The following NOTCH4 variants were observed in gnomAD, a reference collection of about 807,000 sequenced individuals.
NOTCH4 encodes neurogenic locus notch homolog protein 4.
NOTCH4 carries 138 observed loss-of-function variants against 189.0 expected under a neutral mutation model. The observed-to-expected ratio is 0.73, with a 90% CI of 0.64 to 0.84. NOTCH4 has a LOEUF of 0.84. Among genes scored for constraint, NOTCH4 ranks in the 40% least tolerant of loss-of-function variants. The pLI is 0.00. For synonymous variants in NOTCH4, 942 were observed against 1,032.8 expected, an observed-to-expected ratio of 0.91 and a Z score of 1.69; for missense variants, 2,286 against 2,605.4, an observed-to-expected ratio of 0.88 and a Z score of 2.67.
In NOTCH4 at chr6:32,210,791, C is replaced by A; in HGVS notation, c.2826G>T (p.Gly942=). 6.2e-7 allele frequency: 1 copy of A among 1,612,986 alleles called. No homozygotes were observed. Among genetic ancestry groups the A allele is most frequent in the East Asian group, 2.2e-5 (1 of 44,878 alleles). ...CACTGGGCTGGGCCATGCAGGTGGC[C>A]CCGTTCTGGCAAGGCCTGGACTCAC... is the stretch of plus-strand genomic sequence containing the variant. ...NPCESRPCQN[G]ATCMAQPSGY... is the part of the protein sequence containing the mutation. The change falls in exon 18 of 30, where the codon GGG becomes GGT. Residue 942 remains glycine, a synonymous_variant. Coordinates refer to ENST00000375023, the MANE Select transcript of NOTCH4 (RefSeq NM_004557.4). This position sits in a 1 kb window ranked among gnomAD's most constrained non-coding sequence, Gnocchi z 4.8.
chr6:32,198,553 C>T lies in NOTCH4; in HGVS notation c.4624G>A (p.Glu1542Lys). 6.2e-7 allele frequency: 1 copy of T among 1,612,848 alleles called. No individual in the cohort carries two copies. Among genetic ancestry groups the T allele is most frequent in the Non-Finnish European group, 8.5e-7 (1 of 1,179,958 alleles). Reference sequence around the variant, plus strand: ...TGGCACGTGGAGGGTGGGCCTGTTTCTTCAGCCTTTGGGTAACAGCAAGGA... The same window carrying T: ...TGGCACGTGGAGGGTGGGCCTGTTTTTTCAGCCTTTGGGTAACAGCAAGGA... Reference protein sequence around the residue: ...EEGEEVGQAEETGPPSTCQLW... With the variant: ...EEGEEVGQAEKTGPPSTCQLW... Residue 1542 changes from glutamate (E) to lysine (K), a missense_variant, in exon 26 of 30, where the codon GAA (glutamate) becomes AAA (lysine). Around this residue, in one of 2 missense-constraint regions of NOTCH4, gnomAD observed 1,903 missense variants for 2,261.9 expected, o/e 0.84. Transcript: ENST00000375023. This position sits in a 1 kb window ranked among gnomAD's most constrained non-coding sequence, Gnocchi z 5.5.
intron 8 of NOTCH4, 64 bp from the exon 9 acceptor site, chr6:32,218,172 A>G (rs1789535271): frequency 9.3e-7 from 1 of 1,079,936 alleles, no homozygotes; most frequent in Admixed American, 1.9e-5. Context: ...CCTGTGTTCT[A>G]GAATCGGCCC....
rs755789166 is a variant in NOTCH4 at position 32,197,406 on chromosome 6, C to T, written c.4945G>A (p.Ala1649Thr). 2.6e-6 allele frequency: 4 copies of T among 1,542,068 alleles called. No homozygotes were observed. The highest frequency in any genetic ancestry group is 3.5e-6 in the Non-Finnish European group (4 of 1,144,048). The change falls in exon 27 of 30, where the codon GCT becomes ACT. Residue 1649 changes from alanine to threonine, a missense_variant. Coordinates refer to ENST00000375023, the MANE Select transcript of NOTCH4 (RefSeq NM_004557.4). ...HLAARFSRPT[A>T]ARRLLEAGAN... ...CCAGCCTCAAGGAGGCGGCGGGCAG[C>T]GGTTGGCCGGGAGAATCGGGCAGCC...
chr6:32,195,189 C>A lies in NOTCH4; in HGVS notation c.*248G>T. 1.9e-6 allele frequency: 1 copy of A among 532,226 alleles called. No individual in the cohort carries two copies. The highest frequency in any genetic ancestry group is 2.8e-5 in the South Asian group (1 of 35,520). 33.0% of individuals were successfully genotyped at this position (532,226 alleles called of 1,614,324 possible). Reference sequence around the variant, plus strand: ...GGGTATTTCCACTCCACTCTGCCCTCCTGTGGCCTGTCTTATTTTCTGGAG... The same window carrying A: ...GGGTATTTCCACTCCACTCTGCCCTACTGTGGCCTGTCTTATTTTCTGGAG... On this transcript the variant is annotated 3_prime_UTR_variant, in exon 30 of 30. Transcript: ENST00000375023. The surrounding 1 kb of genome is among the most constrained non-coding windows in gnomAD (Gnocchi z 5.4).
rs1311339180 is a variant in NOTCH4, at chr6:32,196,060, C to T, written c.5389G>A (p.Asp1797Asn). 1.3e-6 allele frequency: 2 copies of T among 1,594,096 alleles called. No individual in the cohort carries two copies. The highest frequency in any genetic ancestry group is 1.7e-5 in the Admixed American group (1 of 58,998). The change falls in exon 30 of 30, where the codon GAC becomes AAC. Residue 1797 changes from aspartate to asparagine, a missense_variant. By Grantham distance (23) the Asp-to-Asn change is conservative (BLOSUM62 1). Around this residue, in one of 2 missense-constraint regions of NOTCH4, gnomAD observed 383 missense variants for 343.5 expected, o/e 1.11. Transcript: ENST00000375023. The part of the protein sequence containing the change: ...LGLGAARELR[D>N]QAGLAPADVA... ...TCCGCCGGCGCTAGCCCAGCCTGGT[C>T]CCGCAGCTCTCGGGCTGCCCCCAGC...
chr6:32,223,385 C>T (rs558481534), intron 1 of NOTCH4, among the ~76,000 whole-genome samples: 3 of 152,142 alleles, frequency 2.0e-5, no homozygotes, highest in East Asian at 1.9e-4. Context: ...AGGTGGCTCC[C>T]GGGAGGTGAA....
rs1361534490 is a variant in NOTCH4, at chr6:32,210,001, T to G, written c.2865+751A>C. Among the ~76,000 whole-genome samples, 1 of 151,466 alleles carries G rather than the reference T, an allele frequency of 6.6e-6. No homozygotes were observed. Among genetic ancestry groups the G allele is most frequent in the African/African-American group, 2.4e-5 (1 of 41,196 alleles). Reference sequence around the variant, plus strand: ...AATGGCAACCACACACACAAAAAAGTTGTGGTTCTGAGCATATGAATCAGG... The same window carrying G: ...AATGGCAACCACACACACAAAAAAGGTGTGGTTCTGAGCATATGAATCAGG... On this transcript the variant is annotated intron_variant, in intron 18 of 29. Transcript: ENST00000375023. The surrounding 1 kb of genome is among the most constrained non-coding windows in gnomAD (Gnocchi z 4.8).
Position 32,211,361 on chromosome 6 carries a change from C to T in NOTCH4, c.2681-425G>A, listed in dbSNP as rs186952627. The stretch of plus-strand genomic sequence containing the variant: ...ATTCCAGCACTTTGGGAGGCTGAGA[C>T]GGGTGGATCACTGAGGTTAGGAGTT... On this transcript the variant is annotated intron_variant, in intron 17 of 29. Coordinates refer to ENST00000375023, the MANE Select transcript of NOTCH4 (RefSeq NM_004557.4). Among the ~76,000 whole-genome samples, 7 of 150,938 alleles carry T rather than the reference C, an allele frequency of 4.6e-5. No homozygotes were observed. In the South Asian group the frequency reaches 6.3e-4, roughly 14 times the overall value.
rs1189190167 is a variant in NOTCH4, at chr6:32,199,149, G to T, written c.4316-4C>A. The T allele has an allele frequency of 1.3e-6, 2 of 1,575,264 alleles. No homozygotes were observed. The highest frequency in any genetic ancestry group is 2.7e-5 in the African/African-American group (2 of 73,768). On this transcript the variant is annotated splice_polypyrimidine_tract_variant and splice_region_variant and intron_variant, in intron 23 of 29. Transcript: ENST00000375023. This position sits in a 1 kb window ranked among gnomAD's most constrained non-coding sequence, Gnocchi z 4.9. ...GGAAGCTGGTTGGCAGGGGGTGCTGGTGGGAGAGACAGAGTCACAAAGAGA... is the reference window on the plus strand; with the variant it reads ...GGAAGCTGGTTGGCAGGGGGTGCTGTTGGGAGAGACAGAGTCACAAAGAGA...
chr6:32,205,630 TTTTG>T (rs1788630687), intron 18 of NOTCH4, among the ~76,000 whole-genome samples: 1 of 151,436 alleles, frequency 6.6e-6, no homozygotes, highest in Non-Finnish European at 1.5e-5. Flanking sequence ...AGTATACTGC[TTTTG>T]TTTATGTTTG....
In NOTCH4 at chr6:32,221,269, C is replaced by G. The variant is rs147127594; in HGVS notation, c.508G>C (p.Val170Leu). 13 of 1,612,890 alleles carry G rather than the reference C, an allele frequency of 8.1e-6. No individual in the cohort carries two copies. The highest frequency in any genetic ancestry group is 1.1e-5 in the Non-Finnish European group (13 of 1,179,982). ...CSANPCVNGGVCLATYPQIQC... is the reference protein window; with the variant it reads ...CSANPCVNGGLCLATYPQIQC... Reference sequence around the variant, plus strand: ...ATCTGGGGGTATGTGGCCAGACACACCCCTCCATTAACACATGGGTTGGCT... The same window carrying G: ...ATCTGGGGGTATGTGGCCAGACACAGCCCTCCATTAACACATGGGTTGGCT... The change falls in exon 4 of 30, where the codon GTG (valine) becomes CTG (leucine). Residue 170 changes from valine (V) to leucine (L), a missense_variant. Physicochemically the swap from Val to Leu is conservative, Grantham distance 32. This residue lies in a region of NOTCH4 where 1,903 missense variants were observed against 2,261.9 expected (regional missense o/e 0.84). Transcript: ENST00000375023. The surrounding 1 kb of genome is among the most constrained non-coding windows in gnomAD (Gnocchi z 4.3).
rs1788231908 is a variant in NOTCH4, at chr6:32,199,892, A to G, written c.4316-747T>C. On this transcript the variant is annotated intron_variant, in intron 23 of 29. Transcript: ENST00000375023. The surrounding 1 kb of genome is among the most constrained non-coding windows in gnomAD (Gnocchi z 4.9). ...TAAGACTGTCTCAGAAAACAAACACACAAAAAAAGGCTGAGTATCCATAAC... is the reference window on the plus strand; with the variant it reads ...TAAGACTGTCTCAGAAAACAAACACGCAAAAAAAGGCTGAGTATCCATAAC... Among the ~76,000 whole-genome samples, 1 of 151,400 alleles carries G rather than the reference A, an allele frequency of 6.6e-6. No individual in the cohort carries two copies. The highest frequency in any genetic ancestry group is 2.2e-4 in the South Asian group (1 of 4,634).
rs763686106 is a variant in NOTCH4, at chr6:32,217,125, G to T, written c.1738+28C>A. ...CGGATGTCTGCCTCCTGCTCCCGCT[G>T]TCCCCCACAGTGTGTGCCCCAGTTT... is the stretch of plus-strand genomic sequence containing the variant. On this transcript the variant is annotated intron_variant, in intron 10 of 29. Transcript: ENST00000375023. The surrounding 1 kb of genome is among the most constrained non-coding windows in gnomAD (Gnocchi z 4.2). 6.2e-7 allele frequency: 1 copy of T among 1,612,916 alleles called. No individual in the cohort carries two copies. Among genetic ancestry groups the T allele is most frequent in the Admixed American group, 1.7e-5 (1 of 60,026 alleles).
In NOTCH4 at chr6:32,221,223, C is replaced by A; in HGVS notation, c.554G>T (p.Gly185Val). Residue 185 changes from glycine to valine, a missense_variant, in exon 4 of 30, where the codon GGC becomes GTC. Gly to Val is a moderately radical substitution (Grantham distance 109, BLOSUM62 -3). Coordinates refer to ENST00000375023, the MANE Select transcript of NOTCH4 (RefSeq NM_004557.4). The surrounding 1 kb of genome is among the most constrained non-coding windows in gnomAD (Gnocchi z 4.3). ...ACGTTCACAGGCATGGCCCTCGAAG[C>A]CCGGTGGGCAGTGGCACTGGATCTG... ...YPQIQCHCPPGFEGHACERDV... is the reference protein window; with the variant it reads ...YPQIQCHCPPVFEGHACERDV... The A allele has an allele frequency of 6.2e-7, 1 of 1,613,104 alleles. No individual in the cohort carries two copies. Among genetic ancestry groups the A allele is most frequent in the Non-Finnish European group, 8.5e-7 (1 of 1,180,024 alleles).
chr6:32,204,161 A>C lies in NOTCH4; in HGVS notation c.3094T>G (p.Cys1032Gly), dbSNP rs1177086326. The C allele has an allele frequency of 6.2e-7, 1 of 1,612,878 alleles. No homozygotes were observed. Residue 1032 changes from cysteine (C) to glycine (G), a missense_variant, in exon 19 of 30, where the codon TGC (cysteine) becomes GGC (glycine). Coordinates refer to ENST00000375023, the MANE Select transcript of NOTCH4 (RefSeq NM_004557.4). ...CCTGTGTGTCCAGGCAGACACTGGC[A>C]GTAGAAGGCATTGGCCAGAGAGTGG... ...ACHSLANAFY[C>G]QCLPGHTGQW... is the part of the protein sequence containing the mutation.
Position 32,217,888 on chromosome 6 carries a change from G to T in NOTCH4, c.1624+107C>A. ...AAAGACAGATTTGGAGGACTCCTTG[G>T]CTTGGCTAGAGAGAGCTTCAAGTGG... On this transcript the variant is annotated intron_variant, in intron 9 of 29. Transcript: ENST00000375023. This position sits in a 1 kb window ranked among gnomAD's most constrained non-coding sequence, Gnocchi z 4.2. 1 of 711,574 alleles carries T rather than the reference G, an allele frequency of 1.4e-6. No homozygotes were observed. Among genetic ancestry groups the T allele is most frequent in the Non-Finnish European group, 2.5e-6 (1 of 398,880 alleles). 44.1% of individuals were successfully genotyped at this position (711,574 alleles called of 1,614,324 possible).
In NOTCH4 at chr6:32,204,332, G is replaced by A. The variant is rs1188910566; in HGVS notation, c.2923C>T (p.Gln975Ter). 1 of 1,612,970 alleles carries A rather than the reference G, an allele frequency of 6.2e-7. No homozygotes were observed. The highest frequency in any genetic ancestry group is 8.5e-7 in the Non-Finnish European group (1 of 1,180,042). The change falls in exon 19 of 30, where the codon CAA (glutamine) becomes TAA (stop). Residue 975 changes from glutamine to a stop codon, truncating the protein, a stop_gained. Transcript: ENST00000375023. LOFTEE classifies it high-confidence loss of function. ...CSKELDACQS[Q>*]PCHNHGTCTP... ...CAGGTTCCATGGTTGTGACAGGGTT[G>A]GGACTGACAAGCATCGAGTTCCTTT...
Position 32,198,146 on chromosome 6 carries a change from T to C in NOTCH4, c.4756+275A>G, listed in dbSNP as rs1788077508. On this transcript the variant is annotated intron_variant, in intron 26 of 29. Coordinates refer to ENST00000375023, the MANE Select transcript of NOTCH4 (RefSeq NM_004557.4). This position sits in a 1 kb window ranked among gnomAD's most constrained non-coding sequence, Gnocchi z 5.5. ...TAGCAGTGGTTTTCTCAAACGAGTC[T>C]GGATCAGATTCACCTGAAGGGCTTG... 6.6e-6 allele frequency among the ~76,000 whole-genome samples: 1 copy of C among 152,218 alleles called. No homozygotes were observed. Among genetic ancestry groups the C allele is most frequent in the African/African-American group, 2.4e-5 (1 of 41,458 alleles).
At position 32,221,858 on chromosome 6, in the gene NOTCH4, C is replaced by T. The variant is rs1345094751; in HGVS notation, c.452-533G>A. On this transcript the variant is annotated intron_variant, in intron 3 of 29. Transcript: ENST00000375023. The surrounding 1 kb of genome is among the most constrained non-coding windows in gnomAD (Gnocchi z 4.3). The stretch of plus-strand genomic sequence containing the variant: ...CGGCCCCTTCTGTCCTCTCAGCAAC[C>T]TTATGAAGTGTGACCATTACTCTCC... Among the ~76,000 whole-genome samples, 1 of 152,192 alleles carries T rather than the reference C, an allele frequency of 6.6e-6. No individual in the cohort carries two copies. The highest frequency in any genetic ancestry group is 6.5e-5 in the Admixed American group (1 of 15,282).
Sources: gnomAD v4.1 joint callset for allele counts (sites outside exome capture counted in the v4.1 genomes callset) on GRCh38, gnomAD v4.1.1 for gene constraint, gnomAD v4.1.1 regional missense constraint, Gnocchi (gnomAD v3.1) non-coding constraint, MANE v1.5 for transcripts, NCBI Gene and HGNC (gene_info 2026-07-23, HGNC 2026-07-21) for gene names.